The following ZNF354B variants were observed in gnomAD, a reference collection of about 807,000 sequenced individuals.
ZNF354B encodes zinc finger protein 354B.
A neutral mutation model predicts 12.9 loss-of-function variants in ZNF354B; 10 were observed. That is an observed-to-expected ratio of 0.77 (90% CI 0.48 to 1.31). The LOEUF (loss-of-function observed/expected upper bound fraction) is 1.31. Ranked by LOEUF, ZNF354B falls within the 40% of genes most tolerant of loss-of-function variation. ZNF354B has a pLI of 0.00. For missense variants in ZNF354B, 614 were observed against 711.7 expected, an observed-to-expected ratio of 0.86 and a Z score of 1.56; for synonymous variants, 260 against 243.7, an observed-to-expected ratio of 1.07 and a Z score of -0.62.
intron 4 of ZNF354B, among the ~76,000 whole-genome samples, chr5:178,869,639 G>A (rs1234901940): frequency 2.0e-5 from 3 of 152,172 alleles, no homozygotes; most frequent in Admixed American, 1.3e-4. Context: ...TATGACGAGT[G>A]CAGAGTTGTC....
At chr5:178,868,768 C>T (rs1031056873) in intron 4 of ZNF354B, among the ~76,000 whole-genome samples, 1 of 151,924 alleles carries the variant, frequency 6.6e-6, no homozygotes, top group African/African-American at 2.4e-5. Flanking sequence ...GTCAGGAGAT[C>T]GAGACCATCC....
intron 4 of ZNF354B, 48 bp from the exon 5 acceptor site, chr5:178,882,661 C>T: frequency 6.7e-7 from 1 of 1,502,590 alleles, no homozygotes; most frequent in Non-Finnish European, 8.8e-7. Context: ...TTAGTCTCAG[C>T]CAATCACATG....
chr5:178,878,234 T>C (rs1400064991), intron 4 of ZNF354B, among the ~76,000 whole-genome samples: 4 of 151,108 alleles, frequency 2.6e-5, no homozygotes. Context: ...ATACAAAAAA[T>C]TAGCCAGGCG....
chr5:178,868,391 TG>T (rs1282285705), intron 4 of ZNF354B, among the ~76,000 whole-genome samples: 1 of 141,630 alleles, frequency 7.1e-6, no homozygotes, highest in East Asian at 2.1e-4. Context: ...GTGGTTGAAC[TG>T]GGGGGGCTCT....
chr5:178,881,323 A>G (rs894655994), intron 4 of ZNF354B, among the ~76,000 whole-genome samples: 1 of 152,144 alleles, frequency 6.6e-6, no homozygotes, highest in Non-Finnish European at 1.5e-5. Context: ...ACATTCCACA[A>G]TGCACAGGGC....
chr5:178,878,465 C>CT (rs1757673518), intron 4 of ZNF354B, among the ~76,000 whole-genome samples: 1 of 151,954 alleles, frequency 6.6e-6, no homozygotes, highest in Admixed American at 6.6e-5. Context: ...TGTCACACAT[C>CT]CATCATTATC....
At chr5:178,867,540 A>G (rs557478929) in intron 4 of ZNF354B, among the ~76,000 whole-genome samples, 2 of 152,318 alleles carry the variant, frequency 1.3e-5, no homozygotes, top group Admixed American at 1.3e-4. Context: ...TTGGTATCTT[A>G]GAAAAGTTGG....
intron 3 of ZNF354B, 125 bp from the exon 4 acceptor site, chr5:178,866,851 T>G: frequency 1.1e-6 from 1 of 870,102 alleles, no homozygotes; most frequent in Non-Finnish European, 1.8e-6. Flanking sequence ...TTTATAAGTT[T>G]TAATTACATC....
At chr5:178,866,880 C>A (rs1057187632) in intron 3 of ZNF354B, 96 bp from the exon 4 acceptor site, 3 of 1,158,426 alleles carry the variant, frequency 2.6e-6, no homozygotes, top group Non-Finnish European at 3.8e-6. Flanking sequence ...AACATTCCTT[C>A]TGTAGAAAAG....
intron 3 of ZNF354B, among the ~76,000 whole-genome samples, chr5:178,866,620 C>T (rs561530310): frequency 2.0e-5 from 3 of 152,268 alleles, no homozygotes; most frequent in African/African-American, 7.2e-5. Context: ...GAAATTCTCT[C>T]ATAGTTCAGG....
chr5:178,870,323 T>C (rs980983638), intron 4 of ZNF354B, among the ~76,000 whole-genome samples: 2 of 152,228 alleles, frequency 1.3e-5, no homozygotes, highest in African/African-American at 4.8e-5. Flanking sequence ...TTGCCCAGGC[T>C]GGAGTGCATT....
chr5:178,872,279 A>G (rs745856005), intron 4 of ZNF354B, among the ~76,000 whole-genome samples: 6 of 152,066 alleles, frequency 3.9e-5, no homozygotes, highest in Admixed American at 2.0e-4. Context: ...CCCACTTAAC[A>G]TAAATCTCTG....
At chr5:178,875,483 A>G (rs1206024063) in intron 4 of ZNF354B, among the ~76,000 whole-genome samples, 1 of 152,104 alleles carries the variant, frequency 6.6e-6, no homozygotes, top group African/African-American at 2.4e-5. Context: ...GCTTATGGCA[A>G]CTGCAGCTTC....
chr5:178,884,189 A>G lies in ZNF354B; in HGVS notation c.1737A>G (p.Glu579=). ...TTCATACTGGAGAGAAACCCTATGA[A>G]TGTAATGCATGTGGGAAACTCTTTA... The part of the protein sequence containing the change: ...QRIHTGEKPY[E]CNACGKLFSQ... Residue 579 remains glutamate, a synonymous_variant, in exon 5 of 5, where the codon GAA becomes GAG. Transcript: ENST00000322434. The G allele has an allele frequency of 6.2e-6, 10 of 1,614,040 alleles. 1 individual carries two copies. In the South Asian group the frequency reaches 1.1e-4, roughly 18 times the overall value.
intron 1 of ZNF354B, among the ~76,000 whole-genome samples, chr5:178,860,448 T>G (rs1453320739): frequency 3.3e-5 from 5 of 152,034 alleles, no homozygotes; most frequent in Non-Finnish European, 7.4e-5. Context: ...CGGGCCCGGT[T>G]TCTGAGTCAG....
At chr5:178,869,270 G>A (rs1757519114) in intron 4 of ZNF354B, among the ~76,000 whole-genome samples, 1 of 152,238 alleles carries the variant, frequency 6.6e-6, no homozygotes, top group Non-Finnish European at 1.5e-5. Flanking sequence ...ACGGCAGGCA[G>A]CTTTGGTCCC....
intron 4 of ZNF354B, among the ~76,000 whole-genome samples, chr5:178,879,845 A>G (rs907893386): frequency 6.6e-6 from 1 of 152,228 alleles, no homozygotes; most frequent in Admixed American, 6.5e-5. Flanking sequence ...TAGAGAGAAT[A>G]GGCTGGGCGT....
intron 4 of ZNF354B, among the ~76,000 whole-genome samples, chr5:178,871,193 G>T (rs963177288): frequency 6.6e-6 from 1 of 152,106 alleles, no homozygotes; most frequent in African/African-American, 2.4e-5. Flanking sequence ...GACCTACATG[G>T]TCTGGCCCTG....
chr5:178,876,506 C>T (rs1049917819), intron 4 of ZNF354B, among the ~76,000 whole-genome samples: 9 of 152,192 alleles, frequency 5.9e-5, no homozygotes, highest in African/African-American at 1.9e-4. Flanking sequence ...ATGCGAGGGT[C>T]CCAGGACGAT....
Sources: allele counts gnomAD v4.1 joint callset (sites outside exome capture counted in the v4.1 genomes callset), GRCh38; gene constraint gnomAD v4.1.1; transcripts MANE v1.5; gene names NCBI Gene and HGNC (gene_info 2026-07-23, HGNC 2026-07-21).